The following NKAP variants were observed in gnomAD, a reference collection of about 807,000 sequenced individuals.
The protein encoded by NKAP is NFKB activating protein.
In NKAP, 4 loss-of-function variants were observed where a neutral mutation model predicts 35.6. The ratio of observed to expected loss-of-function variants is 0.11; its 90% confidence interval spans 0.06 to 0.26. NKAP has a LOEUF of 0.26. Among genes scored for constraint, NKAP ranks in the 10% least tolerant of loss-of-function variants. NKAP has a pLI of 1.00. For synonymous variants in NKAP, 106 were observed against 119.2 expected (o/e 0.89, Z 0.72); for missense variants, 238 against 321.9 (o/e 0.74, Z 1.99).
intron 1 of NKAP, among the ~76,000 whole-genome samples, chrX:119,941,554 A>C (rs893250531): frequency 2.7e-5 from 3 of 112,191 alleles, no homozygotes; most frequent in African/African-American, 9.7e-5. Flanking sequence ...TGGCAAATAA[A>C]GGCTTCATAC....
At chrX:119,927,636 C>T (rs1379591951) in intron 8 of NKAP, among the ~76,000 whole-genome samples, 2 of 112,467 alleles carry the variant, frequency 1.8e-5, no homozygotes, top group African/African-American at 3.2e-5. Flanking sequence ...TGAGCCACCA[C>T]GCCCGGCCTG....
Position 119,934,568 on chromosome X carries a change from A to G in NKAP, c.674-11T>C. On this transcript the variant is annotated splice_polypyrimidine_tract_variant and intron_variant, in intron 4 of 8. Coordinates refer to ENST00000371410, the MANE Select transcript of NKAP (RefSeq NM_024528.4). ...TTTTGTTATCTTCATCTGCAAATTA[A>G]AGCACATTACAATTAAGAAAAAAAT... The G allele has an allele frequency of 8.7e-7, 1 of 1,142,955 alleles. No individual in the cohort carries two copies. The allele number at this position is 1,142,955 out of a possible 1,213,427, so 94.2% of individuals were successfully genotyped here. A position where few individuals can be genotyped will look rare whatever the true frequency, so the allele number is the denominator to read the frequency against.
rs776512560 is a variant in NKAP, at chrX:119,943,653, G to A, written c.-48C>T. The A allele has an allele frequency of 2.7e-6, 3 of 1,127,083 alleles. No individual in the cohort carries two copies. Among genetic ancestry groups the A allele is most frequent in the Non-Finnish European group, 3.5e-6 (3 of 857,894 alleles). 92.9% of individuals were successfully genotyped at this position (1,127,083 alleles called of 1,213,427 possible). Reference sequence around the variant, plus strand: ...CCGTGGGACAAGGGGGCGCTCTCGCGAGCCTAGGAAGATGTCTGTTGCCTT... The same window carrying A: ...CCGTGGGACAAGGGGGCGCTCTCGCAAGCCTAGGAAGATGTCTGTTGCCTT... On this transcript the variant is annotated 5_prime_UTR_variant, in exon 1 of 9. Coordinates refer to ENST00000371410, the MANE Select transcript of NKAP (RefSeq NM_024528.4).
chrX:119,922,069 C>G lies in NKAP; in HGVS notation c.*3151G>C, dbSNP rs1194466368. 9.0e-6 allele frequency: 1 copy of G among 111,193 alleles called. No individual in the cohort carries two copies. Among genetic ancestry groups the G allele is most frequent in the Non-Finnish European group, 1.9e-5 (1 of 53,002 alleles). 9.2% of individuals were successfully genotyped at this position (111,193 alleles called of 1,213,427 possible). On this transcript the variant is annotated 3_prime_UTR_variant, in exon 9 of 9. Transcript: ENST00000371410. The stretch of plus-strand genomic sequence containing the variant: ...ATGTTAGCCAGGATGGTCTTGATCT[C>G]CTGACCTCATGGTCCGCCCACCTCG...
At chrX:119,938,858 C>T (rs1272433712) in intron 1 of NKAP, 48 bp from the exon 2 acceptor site, 2 of 911,491 alleles carry the variant, frequency 2.2e-6, no homozygotes, top group Admixed American at 5.7e-5. Context: ...TGAGTTGTTT[C>T]CTAAATATAT....
At chrX:119,938,491 T>C (rs1343940900) in intron 2 of NKAP, among the ~76,000 whole-genome samples, 1 of 112,199 alleles carries the variant, frequency 8.9e-6, no homozygotes, top group African/African-American at 3.2e-5. Flanking sequence ...TGAACCCTTC[T>C]ATTAATAGGA....
chrX:119,939,669 C>T (rs953610892), intron 1 of NKAP, among the ~76,000 whole-genome samples: 15 of 108,101 alleles, frequency 1.4e-4, no homozygotes, highest in Admixed American at 2.9e-4. Flanking sequence ...GAGGCTGAGG[C>T]GGGCGGATTG....
At chrX:119,926,030 C>T (rs1301981669) in intron 8 of NKAP, among the ~76,000 whole-genome samples, 11 of 89,711 alleles carry the variant, frequency 1.2e-4, no homozygotes, top group Non-Finnish European at 2.1e-4. Context: ...AATCTCGGCT[C>T]ACTGCAAGCT....
chrX:119,925,415 G>A, intron 8 of NKAP, 21 bp from the exon 9 acceptor site: 2 of 1,180,869 alleles, frequency 1.7e-6, no homozygotes, highest in Non-Finnish European at 2.3e-6. Flanking sequence ...TTTTATTTTT[G>A]GCTTAATTTC....
At chrX:119,934,703 G>C (rs1356475743) in intron 4 of NKAP, 146 bp from the exon 5 acceptor site, 3 of 374,672 alleles carry the variant, frequency 8.0e-6, no homozygotes, top group Non-Finnish European at 1.4e-5. Context: ...TATTTGTCAC[G>C]AACTGTAGGG....
Position 119,920,726 on chromosome X carries a change from AT to A in NKAP, c.*4493del. The A allele has an allele frequency of 2.0e-6, 1 of 495,996 alleles. No homozygotes were observed. Among genetic ancestry groups the A allele is most frequent in the Non-Finnish European group, 3.2e-6 (1 of 315,910 alleles). The allele number at this position is 495,996 out of a possible 1,213,427, so 40.9% of individuals were successfully genotyped here. The stretch of plus-strand genomic sequence containing the variant: ...AACTTGTGGCACACAATCCAGCTGT[AT>A]TTTTTTGCATTCATTCATTTTCCAT... On this transcript the variant is annotated 3_prime_UTR_variant, in exon 9 of 9. Coordinates refer to ENST00000371410, the MANE Select transcript of NKAP (RefSeq NM_024528.4).
At chrX:119,938,273 C>T (rs1052000348) in intron 2 of NKAP, among the ~76,000 whole-genome samples, 15 of 109,836 alleles carry the variant, frequency 1.4e-4, no homozygotes, top group Admixed American at 5.9e-4. Flanking sequence ...CCCAGCTACT[C>T]GGGAGGCTGA....
In NKAP at chrX:119,923,017, C is replaced by A. The variant is rs1019604886; in HGVS notation, c.*2203G>T. ...CTTGAGGTCAGGAGTTCGAGACCAG[C>A]CTGGCCAAGATGGCGAAACCCCATC... On this transcript the variant is annotated 3_prime_UTR_variant, in exon 9 of 9. Coordinates refer to ENST00000371410, the MANE Select transcript of NKAP (RefSeq NM_024528.4). 1.8e-5 allele frequency: 2 copies of A among 110,242 alleles called. No homozygotes were observed. The highest frequency in any genetic ancestry group is 1.9e-4 in the Admixed American group (2 of 10,272). The allele number at this position is 110,242 out of a possible 1,213,427, so 9.1% of individuals were successfully genotyped here.
At chrX:119,939,780 T>C (rs1278027534) in intron 1 of NKAP, among the ~76,000 whole-genome samples, 1 of 108,027 alleles carries the variant, frequency 9.3e-6, no homozygotes, top group African/African-American at 3.4e-5. Context: ...ATGCCTGTAA[T>C]CCTGGCTACT....
chrX:119,938,532 T>C (rs1205284429), intron 2 of NKAP, among the ~76,000 whole-genome samples, 198 bp downstream of exon 2: 1 of 112,238 alleles, frequency 8.9e-6, no homozygotes, highest in Non-Finnish European at 1.9e-5. Flanking sequence ...TTTTAGATTA[T>C]GCTAAAACCT....
intron 7 of NKAP, among the ~76,000 whole-genome samples, chrX:119,930,516 T>G (rs763191135): frequency 8.9e-6 from 1 of 112,174 alleles, no homozygotes; most frequent in Admixed American, 9.5e-5. Flanking sequence ...TTTCCCTTTT[T>G]CCCTTAAAAA....
rs749396956 is a variant in NKAP at position 119,932,208 on chromosome X, T to C, written c.746A>G (p.Tyr249Cys). The C allele has an allele frequency of 1.7e-6, 2 of 1,158,867 alleles. No homozygotes were observed. The highest frequency in any genetic ancestry group is 2.3e-6 in the Non-Finnish European group (2 of 853,462). ...GCTCTTCTTAGACCTCTTTTTCTTA[T>C]ATTTCTTCCTATAGGGATTTTAATT... Reference protein sequence around the residue: ...EKKKKHRSKKYKKKRSKKSRK... With the variant: ...EKKKKHRSKKCKKKRSKKSRK... Residue 249 changes from tyrosine to cysteine, a missense_variant, in exon 6 of 9, where the codon TAT becomes TGT. Around this residue, in one of 5 missense-constraint regions of NKAP, gnomAD observed 89 missense variants for 91.7 expected, o/e 0.97. Coordinates refer to ENST00000371410, the MANE Select transcript of NKAP (RefSeq NM_024528.4).
Position 119,943,378 on chromosome X carries a change from C to G in NKAP, c.228G>C (p.Ser76=). 8.3e-7 allele frequency: 1 copy of G among 1,211,577 alleles called. No individual in the cohort carries two copies. The highest frequency in any genetic ancestry group is 1.1e-6 in the Non-Finnish European group (1 of 895,222). ...AGGGCCGCTCTCTAGAACGCGACCG[C>G]GAGCGTGAGCGGTAGGACTGGTTTC... ...GSRNQSYRSR[S]RSRSRERPSA... The change falls in exon 1 of 9, where the codon TCG becomes TCC. Residue 76 remains serine (S), a synonymous_variant. Transcript: ENST00000371410.
intron 1 of NKAP, among the ~76,000 whole-genome samples, chrX:119,942,159 T>A (rs1404949589): frequency 9.1e-6 from 1 of 110,397 alleles, no homozygotes; most frequent in African/African-American, 3.3e-5. Context: ...CAGTGGGAGG[T>A]AATAAAGTAT....
Sources: gnomAD v4.1 joint callset for allele counts (sites outside exome capture counted in the v4.1 genomes callset) on GRCh38, gnomAD v4.1.1 for gene constraint, gnomAD v4.1.1 regional missense constraint, MANE v1.5 for transcripts, NCBI Gene and HGNC (gene_info 2026-07-23, HGNC 2026-07-21) for gene names.